KCNIP4: variants seen among roughly 807,000 people sequenced by gnomAD.
KCNIP4 encodes the protein potassium voltage-gated channel interacting protein 4.
Under a neutral mutation model 34.0 loss-of-function variants are expected in KCNIP4, and 12 were observed. The observed-to-expected ratio is 0.35, with a 90% CI of 0.23 to 0.57. The LOEUF (loss-of-function observed/expected upper bound fraction) is 0.57, where lower values mean the gene tolerates loss of function less well. KCNIP4 is among the 20% of genes least tolerant of loss of function. KCNIP4 has a pLI of 0.83. For synonymous variants in KCNIP4, 124 were observed against 102.2 expected (o/e 1.21, Z -1.29); for missense variants, 238 against 311.7 (o/e 0.76, Z 1.78).
chr4:21,722,947 T>C (rs1714926954), intron 1 of KCNIP4, among the ~76,000 whole-genome samples: 1 of 152,122 alleles, frequency 6.6e-6, no homozygotes, highest in African/African-American at 2.4e-5. Context: ...GTTAACAACA[T>C]GGTAAGGAAA....
intron 1 of KCNIP4, among the ~76,000 whole-genome samples, chr4:21,198,249 A>G (rs748053559): frequency 6.6e-6 from 1 of 152,200 alleles, no homozygotes; most frequent in Non-Finnish European, 1.5e-5. Context: ...CCTTCAAATA[A>G]TTAACACTGT....
chr4:21,208,278 C>T (rs1478455012), intron 1 of KCNIP4, among the ~76,000 whole-genome samples: 1 of 152,200 alleles, frequency 6.6e-6, no homozygotes, highest in Non-Finnish European at 1.5e-5. Flanking sequence ...GGCTATCCCA[C>T]AGTTTCGTAA....
intron 1 of KCNIP4, among the ~76,000 whole-genome samples, chr4:20,968,040 G>C (rs971472328): frequency 6.6e-6 from 1 of 152,032 alleles, no homozygotes; most frequent in Non-Finnish European, 1.5e-5. Flanking sequence ...ATCTGACAAA[G>C]GGCTAATATC....
intron 1 of KCNIP4, among the ~76,000 whole-genome samples, chr4:21,017,430 G>T (rs1739642719): frequency 6.6e-6 from 1 of 152,180 alleles, no homozygotes; most frequent in South Asian, 2.1e-4. Flanking sequence ...TTATAAGTGA[G>T]AACATGCAGT....
At position 20,916,986 on chromosome 4, in the gene KCNIP4, TATATATATATATATATATATATATATA is replaced by T. The variant is rs1164788872; in HGVS notation, c.62-34304_62-34278del. Reference sequence around the variant, plus strand: ...CTTCCACCATTGACCATCTTATGTTTATATATATATATATATATATATATATATATATATATATATATATATATATAT... The same window carrying T: ...CTTCCACCATTGACCATCTTATGTTTTATATATATATATATATATATATAT... On this transcript the variant is annotated intron_variant, in intron 1 of 8. Coordinates refer to ENST00000382152, the MANE Select transcript of KCNIP4 (RefSeq NM_025221.6). Among the ~76,000 whole-genome samples the T allele has an allele frequency of 8.7e-4, 69 of 78,894 alleles. 5 individuals carry two copies. Among genetic ancestry groups the T allele is most frequent in the Admixed American group, 1.7e-3 (12 of 7,076 alleles). The allele number at this position is 78,894 out of a possible 152,430, so 51.8% of individuals were successfully genotyped here. A position where few individuals can be genotyped will look rare whatever the true frequency, so the allele number is the denominator to read the frequency against.
At chr4:21,238,496 A>C (rs1759546667) in intron 1 of KCNIP4, among the ~76,000 whole-genome samples, 1 of 152,246 alleles carries the variant, frequency 6.6e-6, no homozygotes, top group Admixed American at 6.5e-5. Context: ...GTCTCAGCTC[A>C]AAATCTCCTT....
intron 1 of KCNIP4, among the ~76,000 whole-genome samples, chr4:21,780,717 A>G (rs6448081): frequency 0.65 from 98,551 of 151,758 alleles, 33,111 homozygotes; most frequent in Non-Finnish European, 0.74. Flanking sequence ...ACCTGTGTTC[A>G]TTTTCTAGAG....
intron 1 of KCNIP4, among the ~76,000 whole-genome samples, chr4:21,519,742 T>TAC (rs1400302238): frequency 7.9e-6 from 1 of 126,828 alleles, no homozygotes; most frequent in Non-Finnish European, 1.6e-5. Context: ...ATATGTATGA[T>TAC]ACACACGTGT....
chr4:21,436,759 G>T (rs1364415888), intron 1 of KCNIP4, among the ~76,000 whole-genome samples: 1 of 152,144 alleles, frequency 6.6e-6, no homozygotes, highest in African/African-American at 2.4e-5. Flanking sequence ...TTAGAATATT[G>T]CCTGGCCCAG....
intron 1 of KCNIP4, among the ~76,000 whole-genome samples, chr4:21,772,592 T>G (rs1213662855): frequency 6.6e-6 from 1 of 152,120 alleles, no homozygotes; most frequent in Non-Finnish European, 1.5e-5. Flanking sequence ...AATTACCGCC[T>G]CAATTTTAGA....
intron 1 of KCNIP4, among the ~76,000 whole-genome samples, chr4:21,337,473 C>T (rs1323709856): frequency 6.6e-6 from 1 of 152,124 alleles, no homozygotes; most frequent in Non-Finnish European, 1.5e-5. Context: ...TCCTTGCGTG[C>T]AAGCTTTGAA....
intron 1 of KCNIP4, among the ~76,000 whole-genome samples, chr4:21,547,683 C>T (rs1250679120): frequency 6.6e-6 from 1 of 152,004 alleles, no homozygotes; most frequent in Non-Finnish European, 1.5e-5. Context: ...ATACATAAGG[C>T]CGAATGTCTG....
intron 3 of KCNIP4, among the ~76,000 whole-genome samples, chr4:20,788,869 A>C (rs1236459799): frequency 2.0e-5 from 3 of 152,174 alleles, no homozygotes; most frequent in Non-Finnish European, 2.9e-5. Context: ...AGAGTATCAC[A>C]GTGAGGAGGA....
chr4:21,368,648 A>T (rs976006062), intron 1 of KCNIP4, among the ~76,000 whole-genome samples: 1 of 147,442 alleles, frequency 6.8e-6, no homozygotes. Context: ...AGAGCCTGTG[A>T]AGTTACTTAT....
At position 21,812,875 on chromosome 4, in the gene KCNIP4, G is replaced by A. The variant is rs545627926; in HGVS notation, c.61+135696C>T. On this transcript the variant is annotated intron_variant, in intron 1 of 8. Coordinates refer to ENST00000382152, the MANE Select transcript of KCNIP4 (RefSeq NM_025221.6). ...CTTTTCCACAGCCAGAAATTCTGAT[G>A]TTTCTGTGTAGTGCTTGGGATATAG... 1.4e-4 allele frequency among the ~76,000 whole-genome samples: 22 copies of A among 152,246 alleles called. No homozygotes were observed. In the South Asian group the frequency reaches 4.1e-3, roughly 29 times the overall value.
At chr4:21,259,514 T>C (rs1291574504) in intron 1 of KCNIP4, among the ~76,000 whole-genome samples, 1 of 152,122 alleles carries the variant, frequency 6.6e-6, no homozygotes, top group Non-Finnish European at 1.5e-5. Flanking sequence ...CAATCTTTGT[T>C]TTTCACCAGC....
At chr4:20,921,506 ATTAT>A (rs1177625076) in intron 1 of KCNIP4, among the ~76,000 whole-genome samples, 10 of 152,174 alleles carry the variant, frequency 6.6e-5, no homozygotes, top group Admixed American at 2.0e-4. Flanking sequence ...TAATTGTCAG[ATTAT>A]TTGTTTATTA....
rs1334556250 is a variant in KCNIP4 at position 21,329,757 on chromosome 4, A to G, written c.62-447048T>C. On this transcript the variant is annotated intron_variant, in intron 1 of 8. Coordinates refer to ENST00000382152, the MANE Select transcript of KCNIP4 (RefSeq NM_025221.6). Reference sequence around the variant, plus strand: ...GCACTCCAAGAAGAGGGGATATTACATACAATACCATGCAGGTAGAAAGAT... The same window carrying G: ...GCACTCCAAGAAGAGGGGATATTACGTACAATACCATGCAGGTAGAAAGAT... Among the ~76,000 whole-genome samples the G allele has an allele frequency of 4.6e-5, 7 of 152,230 alleles. No homozygotes were observed. In the East Asian group the frequency reaches 1.3e-3, roughly 29 times the overall value.
At chr4:21,034,909 C>T (rs1420265071) in intron 1 of KCNIP4, among the ~76,000 whole-genome samples, 2 of 152,096 alleles carry the variant, frequency 1.3e-5, no homozygotes, top group African/African-American at 4.8e-5. Context: ...CTGTCCTGCC[C>T]CCTAGGGTAT....
Sources: allele counts gnomAD v4.1 joint callset (sites outside exome capture counted in the v4.1 genomes callset), GRCh38; gene constraint gnomAD v4.1.1; transcripts MANE v1.5; gene names NCBI Gene and HGNC (gene_info 2026-07-23, HGNC 2026-07-21).